The following FOXN2 variants were observed in gnomAD, a reference collection of about 807,000 sequenced individuals.
FOXN2 encodes the protein forkhead box N2.
A neutral mutation model predicts 41.2 loss-of-function variants in FOXN2; 19 were observed. That is an observed-to-expected ratio of 0.46 (90% CI 0.32 to 0.68). FOXN2 has a LOEUF of 0.68. FOXN2 is among the 30% of genes least tolerant of loss of function. FOXN2 has a pLI of 0.03. For missense variants in FOXN2, 587 were observed against 509.4 expected (o/e 1.15, Z -1.47); for synonymous variants, 195 against 176.8 (o/e 1.10, Z -0.82).
At chr2:48,374,862 G>C in intron 6 of FOXN2, 58 bp from the exon 7 acceptor site, 2 of 1,409,222 alleles carry the variant, frequency 1.4e-6, no homozygotes, top group Admixed American at 2.2e-5. Flanking sequence ...GTTTAAAATT[G>C]GTCTGTTTTT....
chr2:48,323,068 A>G (rs1669439917), intron 1 of FOXN2, among the ~76,000 whole-genome samples: 1 of 152,082 alleles, frequency 6.6e-6, no homozygotes, highest in South Asian at 2.1e-4. Context: ...AACACAGAGT[A>G]GGAGCTTACT....
chr2:48,320,340 G>T (rs529227171), intron 1 of FOXN2, among the ~76,000 whole-genome samples: 1 of 151,550 alleles, frequency 6.6e-6, no homozygotes, highest in Non-Finnish European at 1.5e-5. Flanking sequence ...GCCCATGTTG[G>T]AGTGCAGTGG....
chr2:48,341,548 AG>A (rs1179206280), intron 2 of FOXN2, among the ~76,000 whole-genome samples: 1 of 152,214 alleles, frequency 6.6e-6, no homozygotes, highest in East Asian at 1.9e-4. Flanking sequence ...TGGTCAGTTT[AG>A]GATTTTAAAA....
intron 3 of FOXN2, among the ~76,000 whole-genome samples, chr2:48,358,323 A>G (rs1671943159): frequency 6.6e-6 from 1 of 152,206 alleles, no homozygotes; most frequent in Admixed American, 6.5e-5. Context: ...TCTCTTGCAT[A>G]TAAATCCTCT....
intron 1 of FOXN2, among the ~76,000 whole-genome samples, chr2:48,323,549 C>G (rs147903123): frequency 1.3e-5 from 2 of 152,092 alleles, no homozygotes; most frequent in African/African-American, 2.4e-5. Context: ...AGTTACTGAT[C>G]ATGCTCTTTG....
At chr2:48,317,595 C>CTTTTTTTT (rs574980247) in intron 1 of FOXN2, among the ~76,000 whole-genome samples, 700 of 34,764 alleles carry the variant, frequency 0.02, 248 homozygotes, top group Middle Eastern at 0.033. Context: ...TATAGTATTG[C>CTTTTTTTT]TTTTTTTTTT....
intron 5 of FOXN2, among the ~76,000 whole-genome samples, chr2:48,371,380 G>A (rs369390401): frequency 5.9e-5 from 9 of 152,214 alleles, no homozygotes; most frequent in African/African-American, 2.2e-4. Context: ...CTGGGTGGCA[G>A]GGCAAGACTG....
At chr2:48,339,118 T>C (rs758418466) in intron 2 of FOXN2, among the ~76,000 whole-genome samples, 1 of 152,214 alleles carries the variant, frequency 6.6e-6, no homozygotes, top group Non-Finnish European at 1.5e-5. Flanking sequence ...ACATTCATAT[T>C]CTATATATCC....
chr2:48,352,280 C>T (rs777039007), intron 3 of FOXN2, among the ~76,000 whole-genome samples: 8 of 152,192 alleles, frequency 5.3e-5, no homozygotes, highest in Non-Finnish European at 7.3e-5. Context: ...ACTTTGTAAT[C>T]ATTGCCCTCC....
chr2:48,315,648 C>A (rs1361313910), intron 1 of FOXN2, among the ~76,000 whole-genome samples: 1 of 152,180 alleles, frequency 6.6e-6, no homozygotes, highest in African/African-American at 2.4e-5. Flanking sequence ...GTGTGGAACC[C>A]GGCAGGACGG....
At chr2:48,331,422 T>A (rs1670013951) in intron 2 of FOXN2, among the ~76,000 whole-genome samples, 1 of 152,230 alleles carries the variant, frequency 6.6e-6, no homozygotes, top group Non-Finnish European at 1.5e-5. Flanking sequence ...TTAAAAGCAC[T>A]TTTTAAAGGT....
At chr2:48,340,781 A>G (rs1670709306) in intron 2 of FOXN2, 1 of 152,324 alleles carries the variant, frequency 6.6e-6, no homozygotes, top group East Asian at 1.9e-4. Context: ...CAATAATTGC[A>G]CTCAGATAAA....
Position 48,378,058 on chromosome 2 carries a change from C to G in FOXN2, c.*2615C>G, listed in dbSNP as rs1673360042. 1 of 152,362 alleles carries G rather than the reference C, an allele frequency of 6.6e-6. No individual in the cohort carries two copies. Among genetic ancestry groups the G allele is most frequent in the Non-Finnish European group, 1.5e-5 (1 of 67,916 alleles). The allele number at this position is 152,362 out of a possible 1,614,324, so 9.4% of individuals were successfully genotyped here. A position where few individuals can be genotyped will look rare whatever the true frequency, so the allele number is the denominator to read the frequency against. ...AGCTAACATATAATTTGCCTTACGT[C>G]AAAAGAATATGTTTTGTTGCAGCTG... On this transcript the variant is annotated 3_prime_UTR_variant, in exon 7 of 7. Transcript: ENST00000340553.
chr2:48,338,180 TAA>T (rs948095262), intron 2 of FOXN2, among the ~76,000 whole-genome samples: 1 of 152,170 alleles, frequency 6.6e-6, no homozygotes. Flanking sequence ...ACATGGAAAC[TAA>T]AAAAAGTTTT....
chr2:48,359,403 C>T (rs536183333), intron 4 of FOXN2, among the ~76,000 whole-genome samples: 1 of 152,256 alleles, frequency 6.6e-6, no homozygotes, highest in East Asian at 1.9e-4. Context: ...AGGTGATCCT[C>T]CCACCTCGGC....
At chr2:48,373,490 G>A (rs921532725) in intron 6 of FOXN2, 130 bp downstream of exon 6, 1 of 560,728 alleles carries the variant, frequency 1.8e-6, no homozygotes, top group Non-Finnish European at 3.1e-6. Context: ...GAGTAACTCA[G>A]TTTCTGTTTT....
Position 48,376,725 on chromosome 2 carries a change from TGATTA to T in FOXN2, c.*1288_*1292del, listed in dbSNP as rs893185386. 2.0e-5 allele frequency: 3 copies of T among 152,518 alleles called. No homozygotes were observed. The highest frequency in any genetic ancestry group is 7.2e-5 in the African/African-American group (3 of 41,462). 9.4% of individuals were successfully genotyped at this position (152,518 alleles called of 1,614,324 possible). On this transcript the variant is annotated 3_prime_UTR_variant, in exon 7 of 7. Coordinates refer to ENST00000340553, the MANE Select transcript of FOXN2 (RefSeq NM_002158.4). ...TTTTCATAGTATCATTTGTATAATT[TGATTA>T]GATTATTCAGAAACAATAGGATGCT...
At chr2:48,347,220 C>CCT (rs1671165927) in intron 3 of FOXN2, among the ~76,000 whole-genome samples, 1 of 75,738 alleles carries the variant, frequency 1.3e-5, no homozygotes, top group Non-Finnish European at 2.4e-5. Flanking sequence ...TGTTTTGGTG[C>CCT]TTTTTTTTTT....
rs560087627 is a variant in FOXN2 at position 48,315,781 on chromosome 2, C to G, written c.-157+967C>G. Among the ~76,000 whole-genome samples the G allele has an allele frequency of 6.6e-5, 10 of 152,358 alleles. No homozygotes were observed. In the South Asian group the frequency reaches 2.1e-3, roughly 32 times the overall value. Reference sequence around the variant, plus strand: ...CTGCATCTCTCGGGAGTTGGGGTGTCTGCTTCGCTGACGACCCACACTCTC... The same window carrying G: ...CTGCATCTCTCGGGAGTTGGGGTGTGTGCTTCGCTGACGACCCACACTCTC... On this transcript the variant is annotated intron_variant, in intron 1 of 6. Transcript: ENST00000340553.
Sources: gnomAD v4.1 joint callset for allele counts (sites outside exome capture counted in the v4.1 genomes callset) on GRCh38, gnomAD v4.1.1 for gene constraint, MANE v1.5 for transcripts, NCBI Gene and HGNC (gene_info 2026-07-23, HGNC 2026-07-21) for gene names.